Variants in CPA1 observed in about 807,000 individuals in gnomAD.
CPA1 encodes carboxypeptidase A1.
CPA1 carries 42 observed loss-of-function variants against 48.7 expected under a neutral mutation model. That is an observed-to-expected ratio of 0.86 (90% CI 0.67 to 1.11). The LOEUF (loss-of-function observed/expected upper bound fraction) is 1.11. Ranked by LOEUF, CPA1 falls within the 50% of genes most tolerant of loss-of-function variation. The pLI, the probability that CPA1 is intolerant of heterozygous loss-of-function variation, is 0.00. For missense variants in CPA1, 477 were observed against 544.7 expected (o/e 0.88, Z 1.24); for synonymous variants, 203 against 217.9 (o/e 0.93, Z 0.60).
intron 5 of CPA1, 61 bp downstream of exon 5, chr7:130,383,553 A>C (rs1290270697): frequency 6.7e-7 from 1 of 1,485,508 alleles, no homozygotes; most frequent in Non-Finnish European, 9.3e-7. Flanking sequence ...CAAGGCCCAC[A>C]GAAGCCCGGG....
rs1796494326 is a variant in CPA1 at position 130,387,743 on chromosome 7, C to T, written c.1073-81C>T. On this transcript the variant is annotated intron_variant, in intron 9 of 9. Coordinates refer to ENST00000011292, the MANE Select transcript of CPA1 (RefSeq NM_001868.4). The surrounding 1 kb of genome is among the most constrained non-coding windows in gnomAD (Gnocchi z 4.6). ...ATTGCACAAGGCACAGAGCTTTGGA[C>T]AGGGTTGGATCGTTAACCCAACCCG... 6.3e-6 allele frequency: 8 copies of T among 1,275,490 alleles called. No homozygotes were observed. The highest frequency in any genetic ancestry group is 5.6e-5 in the Admixed American group (3 of 53,738). 79.0% of individuals were successfully genotyped at this position (1,275,490 alleles called of 1,614,324 possible).
chr7:130,381,995 G>A, intron 3 of CPA1, 113 bp from the exon 4 acceptor site: 1 of 1,186,330 alleles, frequency 8.4e-7, no homozygotes, highest in Non-Finnish European at 1.2e-6. Flanking sequence ...TGGCCTGTGT[G>A]GTCGTAGCTC....
intron 4 of CPA1, among the ~76,000 whole-genome samples, chr7:130,382,591 GTA>G (rs1174523435): frequency 6.7e-6 from 1 of 149,100 alleles, no homozygotes; most frequent in Non-Finnish European, 1.5e-5. Flanking sequence ...AGCCTCCCGA[GTA>G]GCTGAGACTA....
At chr7:130,383,653 G>C in intron 5 of CPA1, 31 bp from the exon 6 acceptor site, 3 of 1,556,096 alleles carry the variant, frequency 1.9e-6, no homozygotes, top group Non-Finnish European at 1.8e-6. Flanking sequence ...GGCCCAGCCT[G>C]CGCTGCCCCT....
At chr7:130,381,932 G>A in intron 3 of CPA1, 69 bp downstream of exon 3, 1 of 1,465,936 alleles carries the variant, frequency 6.8e-7, no homozygotes, top group Non-Finnish European at 9.4e-7. Context: ...GAACGCGGTA[G>A]GGCCAAGGCC....
At chr7:130,386,318 G>T (rs576217595) in intron 9 of CPA1, among the ~76,000 whole-genome samples, 1 of 152,104 alleles carries the variant, frequency 6.6e-6, no homozygotes, top group South Asian at 2.1e-4. Context: ...GGATCACGAG[G>T]TCAGGAGATA....
At chr7:130,385,727 C>T (rs966150186) in intron 8 of CPA1, 112 bp from the exon 9 acceptor site, 24 of 776,778 alleles carry the variant, frequency 3.1e-5, no homozygotes, top group Non-Finnish European at 4.2e-5. Flanking sequence ...GCTGGAGGCC[C>T]ACTTCTGCAG....
chr7:130,385,867 C>G lies in CPA1; in HGVS notation c.1016C>G (p.Ala339Gly). Residue 339 changes from alanine to glycine, a missense_variant, in exon 9 of 10, where the codon GCC becomes GGC. Transcript: ENST00000011292. ...CAGCTTTCCAAGGCTGCTGTGACAG[C>G]CCTGGCCTCTCTCTACGGGACCAAG... ...LDQLSKAAVTALASLYGTKFN... is the reference protein window; with the variant it reads ...LDQLSKAAVTGLASLYGTKFN... 6.2e-7 allele frequency: 1 copy of G among 1,614,150 alleles called. No individual in the cohort carries two copies. The highest frequency in any genetic ancestry group is 8.5e-7 in the Non-Finnish European group (1 of 1,180,010).
intron 3 of CPA1, 84 bp downstream of exon 3, chr7:130,381,947 C>T: frequency 1.5e-6 from 2 of 1,353,038 alleles, no homozygotes; most frequent in South Asian, 1.3e-5. Flanking sequence ...AAGGCCAGGG[C>T]CAGCCTGGGT....
At chr7:130,385,098 C>A in intron 7 of CPA1, 48 bp from the exon 8 acceptor site, 1 of 1,584,452 alleles carries the variant, frequency 6.3e-7, no homozygotes, top group Non-Finnish European at 8.7e-7. Context: ...TTCCAGAAGC[C>A]ACAGAAGCTG....
Position 130,387,377 on chromosome 7 carries a change from G to A in CPA1, c.1073-447G>A, listed in dbSNP as rs150556703. Among the ~76,000 whole-genome samples the A allele has an allele frequency of 4.6e-5, 7 of 152,232 alleles. No individual in the cohort carries two copies. The highest frequency in any genetic ancestry group is 2.1e-4 in the South Asian group (1 of 4,810). On this transcript the variant is annotated intron_variant, in intron 9 of 9. Coordinates refer to ENST00000011292, the MANE Select transcript of CPA1 (RefSeq NM_001868.4). This position sits in a 1 kb window ranked among gnomAD's most constrained non-coding sequence, Gnocchi z 4.6. ...TACCCACTGTTAATTACAGTTTCCCGGGCAAAGTTTCCTCCTAAAAGAAAG... is the reference window on the plus strand; with the variant it reads ...TACCCACTGTTAATTACAGTTTCCCAGGCAAAGTTTCCTCCTAAAAGAAAG...
Position 130,381,126 on chromosome 7 carries a change from G to T in CPA1, c.94G>T (p.Asp32Tyr). 1.2e-6 allele frequency: 2 copies of T among 1,613,618 alleles called. No homozygotes were observed. Among genetic ancestry groups the T allele is most frequent in the South Asian group, 1.1e-5 (1 of 91,002 alleles). Residue 32 changes from aspartate to tyrosine, a missense_variant, in exon 2 of 10, where the codon GAT (aspartate) becomes TAT (tyrosine). By Grantham distance (160) the Asp-to-Tyr change is radical. Coordinates refer to ENST00000011292, the MANE Select transcript of CPA1 (RefSeq NM_001868.4). ...GHQVLRISVADEAQVQKVKEL... is the reference protein window; with the variant it reads ...GHQVLRISVAYEAQVQKVKEL... ...TCAGGTGCTCCGAATCTCTGTAGCC[G>T]ATGAGGCCCAGGTACAGAAGGTGAA...
chr7:130,384,034 A>C, intron 6 of CPA1: 1 of 545,078 alleles, frequency 1.8e-6, no homozygotes, highest in South Asian at 2.3e-5. Context: ...CACCCATTCA[A>C]TGCCAGTAGG....
Position 130,385,820 on chromosome 7 carries a change from T to C in CPA1, c.988-19T>C, listed in dbSNP as rs1226943425. ...GGAGCCTGGCCATGACAGGTGGCTTTGCTTGGTGTTTTGTCCAGGATCAGC... is the reference window on the plus strand; with the variant it reads ...GGAGCCTGGCCATGACAGGTGGCTTCGCTTGGTGTTTTGTCCAGGATCAGC... On this transcript the variant is annotated intron_variant, in intron 8 of 9. Transcript: ENST00000011292. 6 of 1,609,926 alleles carry C rather than the reference T, an allele frequency of 3.7e-6. No homozygotes were observed. The highest frequency in any genetic ancestry group is 5.1e-6 in the Non-Finnish European group (6 of 1,176,958).
intron 9 of CPA1, 167 bp downstream of exon 9, chr7:130,386,090 A>C: frequency 3.4e-6 from 2 of 581,440 alleles, no homozygotes; most frequent in South Asian, 2.3e-5. Context: ...CCTGACATGA[A>C]CTCTGCTTCC....
chr7:130,382,865 G>A (rs782695866), intron 4 of CPA1, among the ~76,000 whole-genome samples: 28 of 151,854 alleles, frequency 1.8e-4, no homozygotes, highest in Non-Finnish European at 3.4e-4. Context: ...GGATGGTCTC[G>A]ATCTCCTGAC....
rs781929748 is a variant in CPA1, at chr7:130,381,654, C to A, written c.172C>A (p.His58Asn). ...GCTGGACTTCTGGCGGGGGCCTGCC[C>A]ACCCTGGCTCCCCCATCGACGTCCG... ...LQLDFWRGPAHPGSPIDVRVP... is the reference protein window; with the variant it reads ...LQLDFWRGPANPGSPIDVRVP... Residue 58 changes from histidine (H) to asparagine (N), a missense_variant, in exon 3 of 10, where the codon CAC becomes AAC. Transcript: ENST00000011292. 6.2e-7 allele frequency: 1 copy of A among 1,613,892 alleles called. No homozygotes were observed. Among genetic ancestry groups the A allele is most frequent in the East Asian group, 2.2e-5 (1 of 44,866 alleles).
chr7:130,380,842 G>C, intron 1 of CPA1: 2 of 578,694 alleles, frequency 3.5e-6, no homozygotes, highest in Non-Finnish European at 6.2e-6. Flanking sequence ...GGCCTGGCTG[G>C]CTTGGAACAG....
rs1248900049 is a variant in CPA1 at position 130,380,513 on chromosome 7, G to C, written c.-8G>C. ...GACCTCAGTCTGACCTTCCCTCCCG[G>C]CAGCAGCATGCGGGGGTTGCTGGTG... On this transcript the variant is annotated 5_prime_UTR_variant, in exon 1 of 10. Coordinates refer to ENST00000011292, the MANE Select transcript of CPA1 (RefSeq NM_001868.4). The C allele has an allele frequency of 2.3e-6, 3 of 1,314,128 alleles. No homozygotes were observed. Among genetic ancestry groups the C allele is most frequent in the Non-Finnish European group, 2.9e-6 (3 of 1,022,934 alleles). 81.4% of individuals were successfully genotyped at this position (1,314,128 alleles called of 1,614,324 possible).
Sources: allele counts gnomAD v4.1 joint callset (sites outside exome capture counted in the v4.1 genomes callset), GRCh38; gene constraint gnomAD v4.1.1; non-coding constraint Gnocchi (gnomAD v3.1); transcripts MANE v1.5; gene names NCBI Gene and HGNC (gene_info 2026-07-23, HGNC 2026-07-21).